NUP153: variants seen among roughly 807,000 people sequenced by gnomAD.
NUP153 encodes nucleoporin 153.
NUP153 carries 27 observed loss-of-function variants against 134.6 expected under a neutral mutation model. The ratio of observed to expected loss-of-function variants is 0.20; its 90% CI spans 0.15 to 0.28. NUP153 has a LOEUF of 0.28. NUP153 is among the 10% of genes least tolerant of loss of function. The pLI is 1.00. For missense variants in NUP153, 1,821 were observed against 1,731.3 expected, an observed-to-expected ratio of 1.05 and a Z score of -0.92; for synonymous variants, 640 against 623.5, an observed-to-expected ratio of 1.03 and a Z score of -0.40.
At chr6:17,691,658 G>C (rs1468282192) in intron 1 of NUP153, among the ~76,000 whole-genome samples, 1 of 151,954 alleles carries the variant, frequency 6.6e-6, no homozygotes, top group African/African-American at 2.4e-5. Flanking sequence ...CCAGTTACTA[G>C]AGAGGCTGAG....
At chr6:17,687,427 A>G (rs1282289658) in intron 2 of NUP153, among the ~76,000 whole-genome samples, 1 of 152,238 alleles carries the variant, frequency 6.6e-6, no homozygotes, top group Middle Eastern at 3.2e-3. Flanking sequence ...GCTGCTGGTT[A>G]TATATTTAAA....
In NUP153 at chr6:17,669,349, GAA is replaced by G; in HGVS notation, c.970-14_970-13del. 1.2e-6 allele frequency: 2 copies of G among 1,607,508 alleles called. No individual in the cohort carries two copies. Among genetic ancestry groups the G allele is most frequent in the Non-Finnish European group, 1.7e-6 (2 of 1,174,400 alleles). ...ATTCTTTTTGCATCCTGTTAAAGTTGAAAAAATAACAAAATTAAGATTTTTCA... is the reference window on the plus strand; with the variant it reads ...ATTCTTTTTGCATCCTGTTAAAGTTGAAAATAACAAAATTAAGATTTTTCA... On this transcript the variant is annotated splice_polypyrimidine_tract_variant and intron_variant, in intron 6 of 21. Coordinates refer to ENST00000262077, the MANE Select transcript of NUP153 (RefSeq NM_005124.4).
rs749372607 is a variant in NUP153 at position 17,637,578 on chromosome 6, G to C, written c.2039C>G (p.Ala680Gly). The change falls in exon 16 of 22, where the codon GCC (alanine) becomes GGC (glycine). Residue 680 changes from alanine to glycine, a missense_variant. Physicochemically the swap from Ala to Gly is moderately conservative, Grantham distance 60 (BLOSUM62 0). Coordinates refer to ENST00000262077, the MANE Select transcript of NUP153 (RefSeq NM_005124.4). ...QNKVTDNKCIACQAAKLSPRD... is the reference protein window; with the variant it reads ...QNKVTDNKCIGCQAAKLSPRD... ...GGGTGACAATTTTGCTGCTTGACAG[G>C]CTATGCATTTGTTGTCTGTAACTTT... 1.6e-5 allele frequency: 26 copies of C among 1,613,950 alleles called. No homozygotes were observed. Among genetic ancestry groups the C allele is most frequent in the Middle Eastern group, 3.3e-4 (2 of 6,084 alleles).
intron 11 of NUP153, among the ~76,000 whole-genome samples, chr6:17,653,144 T>C (rs1384166116): frequency 6.6e-6 from 1 of 152,084 alleles, no homozygotes; most frequent in Non-Finnish European, 1.5e-5. Context: ...TCCCAGCCAC[T>C]TGGGAGGCTG....
chr6:17,643,060 AG>A (rs1765938311), intron 14 of NUP153, among the ~76,000 whole-genome samples: 1 of 152,204 alleles, frequency 6.6e-6, no homozygotes, highest in African/African-American at 2.4e-5. Flanking sequence ...TTTCCTGGTG[AG>A]GGTGATAAAT....
intron 16 of NUP153, among the ~76,000 whole-genome samples, chr6:17,633,451 T>C (rs1449466632): frequency 6.6e-6 from 1 of 152,230 alleles, no homozygotes; most frequent in African/African-American, 2.4e-5. Flanking sequence ...CAGACATTTA[T>C]TAAGCATCAT....
intron 20 of NUP153, among the ~76,000 whole-genome samples, chr6:17,620,866 G>A (rs768414992): frequency 2.6e-5 from 4 of 152,104 alleles, no homozygotes; most frequent in Non-Finnish European, 4.4e-5. Context: ...ATAGACAAGA[G>A]GGACTATATT....
At chr6:17,692,093 T>C (rs1193564013) in intron 1 of NUP153, among the ~76,000 whole-genome samples, 1 of 152,222 alleles carries the variant, frequency 6.6e-6, no homozygotes, top group African/African-American at 2.4e-5. Context: ...AGAACAACTT[T>C]AAATTGGCTC....
In NUP153 at chr6:17,633,322, A is replaced by G. The variant is rs541301014; in HGVS notation, c.2465-478T>C. 4.6e-5 allele frequency among the ~76,000 whole-genome samples: 7 copies of G among 152,366 alleles called. No individual in the cohort carries two copies. In the East Asian group the frequency reaches 1.3e-3, roughly 29 times the overall value. ...CATATGAATTTCAAGATTTGAAAGC[A>G]TAGATCTCTGCCTCTGAATGATAGC... On this transcript the variant is annotated intron_variant, in intron 16 of 21. Coordinates refer to ENST00000262077, the MANE Select transcript of NUP153 (RefSeq NM_005124.4).
chr6:17,673,495 A>G lies in NUP153; in HGVS notation c.852+1410T>C, dbSNP rs114563011. Among the ~76,000 whole-genome samples the G allele has an allele frequency of 8.0e-3, 1,225 of 152,358 alleles. 10 individuals carry two copies. Among genetic ancestry groups the G allele is most frequent in the African/African-American group, 0.026 (1,078 of 41,578 alleles). ...TCTCAAAATTTATTAATAAGAAAAT[A>G]ACCCAATTTTTAAATGGGTGGAAGA... On this transcript the variant is annotated intron_variant, in intron 5 of 21. Transcript: ENST00000262077.
At chr6:17,669,237 C>A (rs1767744813) in intron 7 of NUP153, 56 bp downstream of exon 7, 2 of 1,477,002 alleles carry the variant, frequency 1.4e-6, no homozygotes, top group Non-Finnish European at 1.9e-6. Context: ...CACCACCACA[C>A]CCGGCTAATT....
intron 9 of NUP153, among the ~76,000 whole-genome samples, chr6:17,664,200 G>C (rs768468204): frequency 6.6e-6 from 1 of 152,076 alleles, no homozygotes; most frequent in Non-Finnish European, 1.5e-5. Flanking sequence ...GGCTACTGAC[G>C]GGTATGGGTA....
chr6:17,695,019 G>C (rs2113858281), intron 1 of NUP153, among the ~76,000 whole-genome samples: 1 of 151,952 alleles, frequency 6.6e-6, no homozygotes, highest in South Asian at 2.1e-4. Context: ...ACTATGGACT[G>C]AACGAACAAA....
intron 5 of NUP153, among the ~76,000 whole-genome samples, chr6:17,673,226 A>C (rs1768021082): frequency 1.3e-5 from 2 of 152,114 alleles, no homozygotes; most frequent in Admixed American, 6.6e-5. Flanking sequence ...AAAATCAGCC[A>C]GGTGTGGTGG....
intron 17 of NUP153, among the ~76,000 whole-genome samples, chr6:17,632,230 G>A (rs1429370867): frequency 1.3e-5 from 2 of 152,122 alleles, no homozygotes; most frequent in African/African-American, 2.4e-5. Context: ...GAACCTGGGA[G>A]GCGGAGATTG....
chr6:17,642,460 G>A (rs1233647604), intron 14 of NUP153, among the ~76,000 whole-genome samples: 1 of 152,138 alleles, frequency 6.6e-6, no homozygotes, highest in East Asian at 1.9e-4. Flanking sequence ...TGAAAAAAAT[G>A]CAACATCATT....
At chr6:17,656,158 T>C (rs1455372296) in intron 11 of NUP153, among the ~76,000 whole-genome samples, 2 of 152,184 alleles carry the variant, frequency 1.3e-5, no homozygotes, top group Non-Finnish European at 2.9e-5. Flanking sequence ...TGAGCCAAGA[T>C]TGCGCCACTG....
At chr6:17,655,448 CTTA>C (rs980991465) in intron 11 of NUP153, among the ~76,000 whole-genome samples, 28 of 135,008 alleles carry the variant, frequency 2.1e-4, no homozygotes, top group Admixed American at 3.2e-4. Context: ...TAACTTTAAT[CTTA>C]TTATTACTTT....
rs778823890 is a variant in NUP153, at chr6:17,665,380, A to G, written c.1074T>C (p.Asp358=). The G allele has an allele frequency of 3.7e-6, 6 of 1,608,938 alleles. No homozygotes were observed. Among genetic ancestry groups the G allele is most frequent in the South Asian group, 3.3e-5 (3 of 89,834 alleles). ...TDFQAKREKV[D]SQYPPVQRLM... is the part of the protein sequence containing the mutation. ...GTCTCTGAACAGGAGGATATTGAGA[A>G]TCCACCTTACAGGTAAAGAGAAATC... Residue 358 remains aspartate, a synonymous_variant, in exon 9 of 22, where the codon GAT becomes GAC. Coordinates refer to ENST00000262077, the MANE Select transcript of NUP153 (RefSeq NM_005124.4).
Sources: allele counts gnomAD v4.1 joint callset (sites outside exome capture counted in the v4.1 genomes callset), GRCh38; gene constraint gnomAD v4.1.1; transcripts MANE v1.5; gene names NCBI Gene and HGNC (gene_info 2026-07-23, HGNC 2026-07-21).